The following MAP3K7 variants were observed in gnomAD, a reference collection of about 807,000 sequenced individuals.
MAP3K7 encodes TGF-beta activated kinase 1.
A neutral mutation model predicts 84.8 loss-of-function variants in MAP3K7; 21 were observed. That is an observed-to-expected ratio of 0.25 (90% CI 0.18 to 0.36). The LOEUF (loss-of-function observed/expected upper bound fraction) is 0.36. Among genes scored for constraint, MAP3K7 ranks in the 10% least tolerant of loss-of-function variants. The pLI, the probability that MAP3K7 is intolerant of heterozygous loss-of-function variation, is 1.00. For missense variants in MAP3K7, 503 were observed against 747.7 expected (o/e 0.67, Z 3.82); for synonymous variants, 241 against 247.7 (o/e 0.97, Z 0.25).
In MAP3K7 at chr6:90,515,040, C is replaced by T. The variant is rs956333237; in HGVS notation, c.*1461G>A. On this transcript the variant is annotated 3_prime_UTR_variant, in exon 17 of 17. Transcript: ENST00000369329. ...GAAAAAATAATGGAAGAAAAAGTTA[C>T]CTGCTTTAGCATTTTAAAGAATAGT... 6.6e-6 allele frequency: 1 copy of T among 151,950 alleles called. No homozygotes were observed. Among genetic ancestry groups the T allele is most frequent in the Non-Finnish European group, 1.5e-5 (1 of 67,934 alleles). 9.4% of individuals were successfully genotyped at this position (151,950 alleles called of 1,614,324 possible).
chr6:90,522,269 G>A (rs1258727187), intron 14 of MAP3K7, among the ~76,000 whole-genome samples: 1 of 152,108 alleles, frequency 6.6e-6, no homozygotes, highest in African/African-American at 2.4e-5. Context: ...AGGCAGAAAT[G>A]TAGCAGTTAT....
At position 90,519,330 on chromosome 6, in the gene MAP3K7, AG is replaced by A; in HGVS notation, c.1463-12del. 2 of 1,547,722 alleles carry A rather than the reference AG, an allele frequency of 1.3e-6. No homozygotes were observed. Among genetic ancestry groups the A allele is most frequent in the South Asian group, 1.2e-5 (1 of 83,884 alleles). Reference sequence around the variant, plus strand: ...CTGATCCATTGGTATCTGGAATTCAAGCATGTATTTTATTGATTTTCTGTCA... The same window carrying A: ...CTGATCCATTGGTATCTGGAATTCAACATGTATTTTATTGATTTTCTGTCA... On this transcript the variant is annotated splice_polypyrimidine_tract_variant and intron_variant, in intron 14 of 16. Coordinates refer to ENST00000369329, the MANE Select transcript of MAP3K7 (RefSeq NM_145331.3).
intron 3 of MAP3K7, among the ~76,000 whole-genome samples, chr6:90,566,478 T>C (rs1473514480): frequency 6.6e-6 from 1 of 151,980 alleles, no homozygotes; most frequent in Non-Finnish European, 1.5e-5. Context: ...TCAAAGAGAA[T>C]AAAATACCTA....
Position 90,568,747 on chromosome 6 carries a change from T to G in MAP3K7, c.232-124A>C, listed in dbSNP as rs183864226. ...AAATCATTCAACAATCACTATTTAC[T>G]ATGTAACAGGCATTGCAATCATAGT... On this transcript the variant is annotated intron_variant, in intron 2 of 16. Coordinates refer to ENST00000369329, the MANE Select transcript of MAP3K7 (RefSeq NM_145331.3). The G allele has an allele frequency of 5.9e-6, 4 of 679,940 alleles. 1 individual carries two copies. In the East Asian group the frequency reaches 1.1e-4, roughly 19 times the overall value. 42.1% of individuals were successfully genotyped at this position (679,940 alleles called of 1,614,324 possible). A position where few individuals can be genotyped will look rare whatever the true frequency, so the allele number is the denominator to read the frequency against.
chr6:90,577,015 T>C (rs1034937972), intron 1 of MAP3K7, among the ~76,000 whole-genome samples: 11 of 152,224 alleles, frequency 7.2e-5, no homozygotes, highest in African/African-American at 2.7e-4. Flanking sequence ...AAAATCATTA[T>C]AGCTCTTAAA....
At chr6:90,550,063 T>C (rs1776132010) in intron 9 of MAP3K7, among the ~76,000 whole-genome samples, 1 of 152,170 alleles carries the variant, frequency 6.6e-6, no homozygotes, top group Non-Finnish European at 1.5e-5. Flanking sequence ...TTAACATAGC[T>C]TCTTAAATCA....
intron 6 of MAP3K7, 134 bp downstream of exon 6, chr6:90,556,366 C>T (rs1776338944): frequency 1.2e-6 from 1 of 834,418 alleles, no homozygotes; most frequent in South Asian, 2.4e-5. Flanking sequence ...TATTTAATAT[C>T]CCCTTAGATT....
chr6:90,555,007 C>T (rs753488550), intron 6 of MAP3K7, among the ~76,000 whole-genome samples: 2 of 152,096 alleles, frequency 1.3e-5, no homozygotes, highest in Non-Finnish European at 2.9e-5. Context: ...AAGCTATAAC[C>T]AGAGTCTGAT....
rs1017533232 is a variant in MAP3K7, at chr6:90,550,537, C to A, written c.880G>T (p.Ala294Ser). 1 of 1,608,060 alleles carries A rather than the reference C, an allele frequency of 6.2e-7. No homozygotes were observed. The highest frequency in any genetic ancestry group is 1.3e-5 in the African/African-American group (1 of 74,760). The change falls in exon 9 of 17, where the codon GCA (alanine) becomes TCA (serine). Residue 294 changes from alanine (A) to serine (S), a missense_variant. Physicochemically the swap from Ala to Ser is moderately conservative, Grantham distance 99. Around this residue, in one of 5 missense-constraint regions of MAP3K7, gnomAD observed 286 missense variants for 313.6 expected, o/e 0.91. Coordinates refer to ENST00000369329, the MANE Select transcript of MAP3K7 (RefSeq NM_145331.3). ...CAAGGATACTGTAATGGCTCATCTG[C>A]TCCTGGAAAGTACTATATATAAAAA... is the stretch of plus-strand genomic sequence containing the variant. ...MTHLMRYFPG[A>S]DEPLQYPCQY...
chr6:90,571,184 T>G (rs889636256), intron 2 of MAP3K7, among the ~76,000 whole-genome samples: 1 of 152,098 alleles, frequency 6.6e-6, no homozygotes, highest in African/African-American at 2.4e-5. Context: ...AAGGATAAAT[T>G]TGATAATATG....
intron 9 of MAP3K7, among the ~76,000 whole-genome samples, chr6:90,549,843 A>G (rs1050627996): frequency 6.6e-6 from 1 of 152,226 alleles, no homozygotes; most frequent in Non-Finnish European, 1.5e-5. Context: ...TAGATCAGTA[A>G]AAGTATTTTT....
intron 2 of MAP3K7, among the ~76,000 whole-genome samples, chr6:90,569,428 T>C (rs545174033): frequency 5.6e-4 from 85 of 152,256 alleles, no homozygotes; most frequent in Admixed American, 3.7e-3. Flanking sequence ...CATACAGAGG[T>C]CAATGAGGGG....
At chr6:90,536,724 T>C (rs1775692774) in intron 12 of MAP3K7, 2 of 221,436 alleles carry the variant, frequency 9.0e-6, no homozygotes, top group African/African-American at 2.3e-5. Context: ...AATAGATGAA[T>C]GCTTGGGGGC....
intron 3 of MAP3K7, among the ~76,000 whole-genome samples, chr6:90,564,540 C>A (rs558477109): frequency 2.6e-5 from 4 of 152,244 alleles, no homozygotes; most frequent in African/African-American, 7.2e-5. Context: ...TATATATGCA[C>A]CCAATACAGG....
At chr6:90,551,312 T>C (rs1401669907) in intron 8 of MAP3K7, 5 of 152,154 alleles carry the variant, frequency 3.3e-5, no homozygotes, top group African/African-American at 9.7e-5. Flanking sequence ...TTTAAGGAGA[T>C]TGTAAGATTC....
intron 12 of MAP3K7, chr6:90,537,041 G>T (rs907432991): frequency 2.6e-5 from 4 of 151,904 alleles, no homozygotes; most frequent in Non-Finnish European, 5.9e-5. Flanking sequence ...TGTTAATTCT[G>T]CTTTAGAAAC....
chr6:90,549,121 T>C (rs953130564), intron 9 of MAP3K7, among the ~76,000 whole-genome samples: 2 of 152,008 alleles, frequency 1.3e-5, no homozygotes. Flanking sequence ...AGATGGGATA[T>C]AATGCACAGG....
At chr6:90,536,185 T>C (rs182413975) in intron 13 of MAP3K7, 152 bp downstream of exon 13, 59 of 547,292 alleles carry the variant, frequency 1.1e-4, no homozygotes, top group Middle Eastern at 3.5e-4. Flanking sequence ...CTATGTTTTT[T>C]TCCCCCCTAA....
At chr6:90,568,687 C>T in intron 2 of MAP3K7, 64 bp from the exon 3 acceptor site, 1 of 1,177,188 alleles carries the variant, frequency 8.5e-7, no homozygotes, top group South Asian at 1.4e-5. Flanking sequence ...TTCACAGTAT[C>T]ATTAAAATCT....
Sources: allele counts gnomAD v4.1 joint callset (sites outside exome capture counted in the v4.1 genomes callset), GRCh38; gene constraint gnomAD v4.1.1; regional missense constraint gnomAD v4.1.1; transcripts MANE v1.5; gene names NCBI Gene and HGNC (gene_info 2026-07-23, HGNC 2026-07-21).